KLHL29: variants seen among roughly 807,000 people sequenced by gnomAD.
KLHL29 encodes kelch like family member 29, also known as kelch-like protein 29.
In KLHL29, 21 loss-of-function variants were observed where a neutral mutation model predicts 80.4. The observed-to-expected ratio is 0.26, with a 90% CI of 0.19 to 0.38. The LOEUF (loss-of-function observed/expected upper bound fraction) is 0.38. Ranked by LOEUF, KLHL29 falls within the 10% of genes least tolerant of loss-of-function variation. The pLI is 1.00. For synonymous variants in KLHL29, 511 were observed against 526.8 expected (o/e 0.97, Z 0.41); for missense variants, 867 against 1,223.9 (o/e 0.71, Z 4.35).
chr2:23,493,651 G>A (rs745393045), intron 2 of KLHL29, among the ~76,000 whole-genome samples: 1 of 152,134 alleles, frequency 6.6e-6, no homozygotes, highest in Non-Finnish European at 1.5e-5. Context: ...GTGAGTGTGT[G>A]TGTGTGCGCG....
intron 3 of KLHL29, among the ~76,000 whole-genome samples, chr2:23,636,668 C>T (rs752566366): frequency 6.6e-6 from 1 of 152,154 alleles, no homozygotes; most frequent in Admixed American, 6.5e-5. Context: ...CCTAGTGCCT[C>T]GAGCAGTGCC....
At chr2:23,515,703 T>C (rs1294635439) in intron 2 of KLHL29, among the ~76,000 whole-genome samples, 1 of 152,192 alleles carries the variant, frequency 6.6e-6, no homozygotes, top group African/African-American at 2.4e-5. Flanking sequence ...GCACGAATGC[T>C]CAAATGGCAC....
intron 2 of KLHL29, among the ~76,000 whole-genome samples, chr2:23,550,691 A>T (rs1438770158): frequency 6.6e-6 from 1 of 152,240 alleles, no homozygotes; most frequent in Non-Finnish European, 1.5e-5. Flanking sequence ...TGTCTAGAAG[A>T]AAGCAAATTG....
chr2:23,595,166 C>T lies in KLHL29; in HGVS notation c.285+32685C>T, dbSNP rs185950388. Among the ~76,000 whole-genome samples, 7 of 152,172 alleles carry T rather than the reference C, an allele frequency of 4.6e-5. No homozygotes were observed. The East Asian group carries it at 1.2e-3, about 25-fold the overall frequency. ...TTGCAGGCGCCCAGAAAGAGGCACC[C>T]GCAGAGGGCCTGGGAAGGGAAGGGG... is the stretch of plus-strand genomic sequence containing the variant. On this transcript the variant is annotated intron_variant, in intron 3 of 13. Transcript: ENST00000486442.
chr2:23,687,496 T>TCACTCAGCAAA (rs1671318729), intron 6 of KLHL29, among the ~76,000 whole-genome samples: 1 of 152,216 alleles, frequency 6.6e-6, no homozygotes, highest in Non-Finnish European at 1.5e-5. Context: ...CACTGGCTCG[T>TCACTCAGCAAA]CACTCAGCAA....
chr2:23,545,734 G>T (rs1666964628), intron 2 of KLHL29, among the ~76,000 whole-genome samples: 1 of 152,192 alleles, frequency 6.6e-6, no homozygotes, highest in Non-Finnish European at 1.5e-5. Flanking sequence ...CCAGGGAGTG[G>T]GTGCCAGCCC....
At position 23,554,488 on chromosome 2, in the gene KLHL29, G is replaced by A. The variant is rs541040429; in HGVS notation, c.-45-7664G>A. On this transcript the variant is annotated intron_variant, in intron 2 of 13. Transcript: ENST00000486442. ...GCCTTCGGGGCCCTCACAGCCGGCC[G>A]CCCACTCCTTCGGCGTGTCTTAATG... Among the ~76,000 whole-genome samples, 20 of 152,236 alleles carry A rather than the reference G, an allele frequency of 1.3e-4. No homozygotes were observed. In the South Asian group the frequency reaches 3.5e-3, roughly 27 times the overall value.
At chr2:23,455,381 TTTGG>T (rs1242200204) in intron 1 of KLHL29, among the ~76,000 whole-genome samples, 4 of 152,234 alleles carry the variant, frequency 2.6e-5, no homozygotes, top group Non-Finnish European at 4.4e-5. Flanking sequence ...TTTTGCTAGA[TTTGG>T]TTGGTTTATC....
At chr2:23,482,974 C>T (rs775857663) in intron 2 of KLHL29, among the ~76,000 whole-genome samples, 29 of 152,132 alleles carry the variant, frequency 1.9e-4, no homozygotes, top group Non-Finnish European at 3.2e-4. Context: ...GGTGGGGCAG[C>T]CAGTACATAC....
chr2:23,671,426 G>C (rs1003865185), intron 5 of KLHL29, among the ~76,000 whole-genome samples: 1 of 152,112 alleles, frequency 6.6e-6, no homozygotes, highest in Non-Finnish European at 1.5e-5. Context: ...ATCTTGGAAA[G>C]ATTAGGTCTC....
chr2:23,546,474 C>T (rs1666982185), intron 2 of KLHL29, among the ~76,000 whole-genome samples: 1 of 152,042 alleles, frequency 6.6e-6, no homozygotes. Context: ...TGTTTTGGGG[C>T]CTCAGGTGAG....
At chr2:23,578,347 ACTTT>A (rs542881220) in intron 3 of KLHL29, among the ~76,000 whole-genome samples, 25 of 152,358 alleles carry the variant, frequency 1.6e-4, no homozygotes, top group African/African-American at 5.5e-4. Context: ...GGACTCTCCC[ACTTT>A]CTAACTGTGT....
intron 5 of KLHL29, among the ~76,000 whole-genome samples, chr2:23,666,713 G>T (rs1670564272): frequency 6.6e-6 from 1 of 152,254 alleles, no homozygotes; most frequent in Admixed American, 6.5e-5. Flanking sequence ...CTTTATGAAA[G>T]TGAGCTGTAG....
intron 1 of KLHL29, among the ~76,000 whole-genome samples, chr2:23,442,806 G>A (rs1357042752): frequency 2.0e-5 from 3 of 152,124 alleles, no homozygotes; most frequent in African/African-American, 7.2e-5. Context: ...TGTTTGGTTG[G>A]GGGTGTCACC....
rs897055276 is a variant in KLHL29 at position 23,457,052 on chromosome 2, C to T, written c.-153-18508C>T. On this transcript the variant is annotated intron_variant, in intron 1 of 13. Transcript: ENST00000486442. The surrounding 1 kb of genome is among the most constrained non-coding windows in gnomAD (Gnocchi z 4.3). ...CGGAGCAGCAGAGGTCGAGGCCTTC[C>T]GAGGCCCCTCCCCAGGCATCTGCTG... 2.6e-5 allele frequency among the ~76,000 whole-genome samples: 4 copies of T among 152,208 alleles called. No homozygotes were observed. The highest frequency in any genetic ancestry group is 6.5e-5 in the Admixed American group (1 of 15,288).
intron 3 of KLHL29, among the ~76,000 whole-genome samples, chr2:23,578,842 G>A (rs1371826409): frequency 6.6e-6 from 1 of 152,186 alleles, no homozygotes; most frequent in Non-Finnish European, 1.5e-5. Context: ...CCTTTGTGTG[G>A]CAGGCATCTC....
At chr2:23,493,360 TA>T (rs869080519) in intron 2 of KLHL29, among the ~76,000 whole-genome samples, 1 of 152,180 alleles carries the variant, frequency 6.6e-6, no homozygotes, top group Non-Finnish European at 1.5e-5. Flanking sequence ...TTTCATTTTT[TA>T]AAAAATCGGC....
At chr2:23,493,188 G>A (rs965918221) in intron 2 of KLHL29, among the ~76,000 whole-genome samples, 3 of 152,282 alleles carry the variant, frequency 2.0e-5, no homozygotes, top group South Asian at 4.2e-4. Context: ...CTTGCAAATA[G>A]CATTGCCCTT....
intron 3 of KLHL29, among the ~76,000 whole-genome samples, chr2:23,620,219 G>A (rs1669134967): frequency 6.6e-6 from 1 of 152,208 alleles, no homozygotes. Flanking sequence ...GCCCAGGGGT[G>A]GTGAGAGGGG....
Sources: gnomAD v4.1 joint callset for allele counts (sites outside exome capture counted in the v4.1 genomes callset) on GRCh38, gnomAD v4.1.1 for gene constraint, Gnocchi (gnomAD v3.1) non-coding constraint, MANE v1.5 for transcripts, NCBI Gene and HGNC (gene_info 2026-07-23, HGNC 2026-07-21) for gene names.